DCP1B: variants seen among roughly 807,000 people sequenced by gnomAD.
DCP1B encodes the protein decapping mRNA 1B.
A neutral mutation model predicts 60.5 loss-of-function variants in DCP1B; 47 were observed. That is an observed-to-expected ratio of 0.78 (90% CI 0.61 to 0.99). The LOEUF (loss-of-function observed/expected upper bound fraction) is 0.99. DCP1B is among the 50% of genes least tolerant of loss of function. The probability of loss-of-function intolerance (pLI) is 0.00; values close to 1 mark genes in which losing one functional copy is unlikely to be tolerated. For missense variants in DCP1B, 725 were observed against 756.8 expected, an observed-to-expected ratio of 0.96 and a Z score of 0.49; for synonymous variants, 267 against 280.3, an observed-to-expected ratio of 0.95 and a Z score of 0.47.
intron 3 of DCP1B, 94 bp from the exon 4 acceptor site, chr12:1,968,004 T>C: frequency 1.1e-6 from 1 of 947,696 alleles, no homozygotes; most frequent in Non-Finnish European, 1.6e-6. Flanking sequence ...TAATAATCTA[T>C]GTGTTAAATT....
chr12:1,991,659 A>G (rs1240621520), intron 3 of DCP1B: 1 of 179,502 alleles, frequency 5.6e-6, no homozygotes, highest in African/African-American at 2.4e-5. Context: ...GTTAGTGACT[A>G]TCATAGTGGA....
intron 3 of DCP1B, among the ~76,000 whole-genome samples, chr12:1,990,518 A>G (rs1399961225): frequency 6.6e-6 from 1 of 152,156 alleles, no homozygotes; most frequent in Admixed American, 6.5e-5. Context: ...GCTCTTCTAC[A>G]TTCATCCAAT....
In DCP1B at chr12:1,971,127, C is replaced by A; in HGVS notation, c.320-3217G>T. 3.1e-6 allele frequency: 4 copies of A among 1,289,162 alleles called. No homozygotes were observed. Among genetic ancestry groups the A allele is most frequent in the Non-Finnish European group, 4.0e-6 (4 of 988,270 alleles). 79.9% of individuals were successfully genotyped at this position (1,289,162 alleles called of 1,614,324 possible). On this transcript the variant is annotated intron_variant, in intron 3 of 8. Transcript: ENST00000280665. The surrounding 1 kb of genome is among the most constrained non-coding windows in gnomAD (Gnocchi z 4.2). ...CAGCCGCTTCCCAGCCACCTGTCTG[C>A]CAACACGGAGGTCAAGTTTAAGGGT...
In DCP1B at chr12:1,967,472, C is replaced by T. The variant is rs190289010; in HGVS notation, c.386+372G>A. The stretch of plus-strand genomic sequence containing the variant: ...AAGGAAATGAAAGATTTTACAGAAT[C>T]GGGAGCAGACTTTTAGGATGGCTCT... On this transcript the variant is annotated intron_variant, in intron 4 of 8. Transcript: ENST00000280665. Among the ~76,000 whole-genome samples, 345 of 152,274 alleles carry T rather than the reference C, an allele frequency of 2.3e-3. 1 individual carries two copies. Among genetic ancestry groups the T allele is most frequent in the African/African-American group, 7.5e-3 (312 of 41,546 alleles).
intron 3 of DCP1B, among the ~76,000 whole-genome samples, chr12:1,972,858 G>A (rs969568619): frequency 3.3e-5 from 5 of 152,152 alleles, no homozygotes; most frequent in African/African-American, 1.2e-4. Flanking sequence ...GAGAAAAAGA[G>A]AGAAAAGAAA....
In DCP1B at chr12:1,996,647, A is replaced by C. The variant is rs967278175; in HGVS notation, c.191+1288T>G. 1.3e-3 allele frequency among the ~76,000 whole-genome samples: 69 copies of C among 54,158 alleles called. 3 individuals are homozygous for C. The highest frequency in any genetic ancestry group is 5.8e-3 in the African/African-American group (59 of 10,172). 35.5% of individuals were successfully genotyped at this position (54,158 alleles called of 152,430 possible). A position where few individuals can be genotyped will look rare whatever the true frequency, so the allele number is the denominator to read the frequency against. ...AAAAAAAAAAAAAAAAAAAAAAAAA[A>C]AAAAAAAACAACAAACTCTTCTAAT... On this transcript the variant is annotated intron_variant, in intron 2 of 8. Coordinates refer to ENST00000280665, the MANE Select transcript of DCP1B (RefSeq NM_152640.5).
intron 3 of DCP1B, chr12:1,991,457 G>T: frequency 4.5e-6 from 1 of 220,572 alleles, no homozygotes; most frequent in Non-Finnish European, 9.3e-6. Context: ...AGAAGCAAGT[G>T]AAATTAATAA....
intron 3 of DCP1B, chr12:1,991,608 G>A (rs576284310): frequency 2.4e-5 from 5 of 205,996 alleles, no homozygotes; most frequent in African/African-American, 7.2e-5. Flanking sequence ...GTGCAGCTCC[G>A]TTTAGACTAG....
chr12:1,992,152 A>G, intron 3 of DCP1B: 1 of 215,254 alleles, frequency 4.6e-6, no homozygotes, highest in Non-Finnish European at 1.0e-5. Flanking sequence ...TGAGGAGAAA[A>G]CACAATATTT....
intron 1 of DCP1B, among the ~76,000 whole-genome samples, chr12:2,001,794 C>T (rs1047042825): frequency 6.6e-5 from 10 of 152,298 alleles, no homozygotes; most frequent in Non-Finnish European, 1.3e-4. Context: ...CACTTTAGGG[C>T]AGTTTTCAGG....
At chr12:1,966,217 G>C (rs1002208237) in intron 4 of DCP1B, 1 of 152,210 alleles carries the variant, frequency 6.6e-6, no homozygotes, top group Non-Finnish European at 1.5e-5. Flanking sequence ...AGACTGCCTT[G>C]AAGTCAAGGC....
chr12:1,989,532 G>A (rs1319008882), intron 3 of DCP1B, among the ~76,000 whole-genome samples: 2 of 152,218 alleles, frequency 1.3e-5, no homozygotes, highest in African/African-American at 2.4e-5. Flanking sequence ...TGGCCAACAC[G>A]GTGAAACCCT....
intron 1 of DCP1B, among the ~76,000 whole-genome samples, chr12:1,998,959 G>A (rs1333509207): frequency 6.6e-6 from 1 of 152,176 alleles, no homozygotes; most frequent in African/African-American, 2.4e-5. Flanking sequence ...AAAGCGTAAT[G>A]TCAAAACAGC....
intron 3 of DCP1B, 66 bp downstream of exon 3, chr12:1,993,198 G>C (rs774442508): frequency 1.9e-6 from 3 of 1,607,700 alleles, no homozygotes; most frequent in Non-Finnish European, 1.7e-6. Context: ...GGCAAACACT[G>C]TACAATTTTA....
chr12:1,960,704 A>G lies in DCP1B; in HGVS notation c.522+4854T>C, dbSNP rs1327232052. Among the ~76,000 whole-genome samples, 3 of 152,352 alleles carry G rather than the reference A, an allele frequency of 2.0e-5. No individual in the cohort carries two copies. In the East Asian group the frequency reaches 5.8e-4, roughly 29 times the overall value. ...AAATAATTTTAAAAAGAAAACTTCAATAAAAGTAAGTCTAGCACTGAAAAC... is the reference window on the plus strand; with the variant it reads ...AAATAATTTTAAAAAGAAAACTTCAGTAAAAGTAAGTCTAGCACTGAAAAC... On this transcript the variant is annotated intron_variant, in intron 5 of 8. Coordinates refer to ENST00000280665, the MANE Select transcript of DCP1B (RefSeq NM_152640.5).
chr12:1,983,334 T>C (rs1226962147), intron 3 of DCP1B, among the ~76,000 whole-genome samples: 2 of 149,670 alleles, frequency 1.3e-5, no homozygotes, highest in African/African-American at 5.1e-5. Flanking sequence ...ACGTTTGAAT[T>C]ACTGACTTAA....
chr12:1,954,156 C>T (rs527238148), intron 6 of DCP1B, among the ~76,000 whole-genome samples: 4 of 149,988 alleles, frequency 2.7e-5, no homozygotes, highest in South Asian at 4.2e-4. Context: ...CACTCCAGCC[C>T]GGGTAACAGG....
In DCP1B at chr12:1,993,246, G is replaced by A; in HGVS notation, c.319+18C>T. Reference sequence around the variant, plus strand: ...AACTTCAGAAGTAAAACAACCCACTGTAGTAAGAAAGACTCACATCTGGCA... The same window carrying A: ...AACTTCAGAAGTAAAACAACCCACTATAGTAAGAAAGACTCACATCTGGCA... On this transcript the variant is annotated intron_variant, in intron 3 of 8. Coordinates refer to ENST00000280665, the MANE Select transcript of DCP1B (RefSeq NM_152640.5). 1 of 1,614,040 alleles carries A rather than the reference G, an allele frequency of 6.2e-7. No individual in the cohort carries two copies. The highest frequency in any genetic ancestry group is 8.5e-7 in the Non-Finnish European group (1 of 1,179,950).
intron 5 of DCP1B, among the ~76,000 whole-genome samples, chr12:1,956,911 C>A (rs1477257833): frequency 6.6e-6 from 1 of 152,208 alleles, no homozygotes; most frequent in Non-Finnish European, 1.5e-5. Flanking sequence ...TTTTTCCCAG[C>A]TTCCCTATGC....
Sources: gnomAD v4.1 joint callset for allele counts (sites outside exome capture counted in the v4.1 genomes callset) on GRCh38, gnomAD v4.1.1 for gene constraint, Gnocchi (gnomAD v3.1) non-coding constraint, MANE v1.5 for transcripts, NCBI Gene and HGNC (gene_info 2026-07-23, HGNC 2026-07-21) for gene names.